The following SFMBT2 variants were observed in gnomAD, a reference collection of about 807,000 sequenced individuals.
SFMBT2 encodes Scm like with four mbt domains 2, also known as scm-like with four MBT domains protein 2.
SFMBT2 carries 38 observed loss-of-function variants against 110.1 expected under a neutral mutation model. The observed-to-expected ratio is 0.35, with a 90% CI of 0.27 to 0.45. The LOEUF (loss-of-function observed/expected upper bound fraction) is 0.45, where lower values mean the gene tolerates loss of function less well. Ranked by LOEUF, SFMBT2 falls within the 20% of genes least tolerant of loss-of-function variation. SFMBT2 has a pLI of 1.00. For synonymous variants in SFMBT2, 425 were observed against 425.4 expected (o/e 1.00, Z 0.01); for missense variants, 1,011 against 1,094.9 (o/e 0.92, Z 1.08).
intron 11 of SFMBT2, among the ~76,000 whole-genome samples, chr10:7,216,896 C>T (rs1839561036): frequency 6.6e-6 from 1 of 152,330 alleles, no homozygotes; most frequent in East Asian, 1.9e-4. Flanking sequence ...GGAATCAGGA[C>T]CAGCCCCTCT....
chr10:7,395,116 C>T (rs1051855888), intron 1 of SFMBT2, among the ~76,000 whole-genome samples: 2 of 152,074 alleles, frequency 1.3e-5, no homozygotes, highest in Non-Finnish European at 2.9e-5. Context: ...GTCAGGAGTT[C>T]GAGACCAGTC....
intron 11 of SFMBT2, among the ~76,000 whole-genome samples, chr10:7,214,033 CTG>C (rs1332189890): frequency 3.1e-5 from 4 of 128,082 alleles, no homozygotes; most frequent in African/African-American, 1.1e-4. Context: ...CACCCCAGGA[CTG>C]TGCAGAAGAT....
intron 5 of SFMBT2, 110 bp from the exon 6 acceptor site, chr10:7,284,260 G>C: frequency 5.9e-6 from 9 of 1,516,588 alleles, no homozygotes; most frequent in Non-Finnish European, 7.9e-6. Flanking sequence ...CAAGGTACTG[G>C]CGAACAGTCT....
intron 12 of SFMBT2, chr10:7,204,444 A>C: frequency 1.0e-6 from 1 of 984,854 alleles, no homozygotes; most frequent in Non-Finnish European, 1.2e-6. Flanking sequence ...TAACAGTTAA[A>C]ACCTGTTATC....
intron 4 of SFMBT2, chr10:7,286,319 G>A (rs1019694636): frequency 1.0e-5 from 7 of 667,424 alleles, no homozygotes; most frequent in Non-Finnish European, 1.3e-5. Context: ...GGCTTTCCAG[G>A]TGGGAAAATC....
At chr10:7,283,268 C>G (rs1272475233) in intron 6 of SFMBT2, among the ~76,000 whole-genome samples, 1 of 152,204 alleles carries the variant, frequency 6.6e-6, no homozygotes, top group Admixed American at 6.5e-5. Flanking sequence ...AGGATTCTTT[C>G]CAATTAAGCC....
chr10:7,278,335 CAGGG>C (rs1381699277), intron 6 of SFMBT2, among the ~76,000 whole-genome samples: 1 of 152,150 alleles, frequency 6.6e-6, no homozygotes, highest in Non-Finnish European at 1.5e-5. Flanking sequence ...AAAGTAGGCA[CAGGG>C]ACCAGTTCAC....
chr10:7,276,690 G>A (rs1424944961), intron 7 of SFMBT2, among the ~76,000 whole-genome samples: 1 of 152,056 alleles, frequency 6.6e-6, no homozygotes, highest in East Asian at 1.9e-4. Context: ...CACACGCCTG[G>A]CTAATTTTTG....
chr10:7,333,661 T>C (rs2131966052), intron 4 of SFMBT2, among the ~76,000 whole-genome samples: 1 of 152,030 alleles, frequency 6.6e-6, no homozygotes, highest in East Asian at 1.9e-4. Context: ...AAGTTTTCAT[T>C]GACTCACCTT....
rs1440291499 is a variant in SFMBT2, at chr10:7,285,781, G to T, written c.525+85C>A. The T allele has an allele frequency of 6.4e-6, 5 of 777,436 alleles. No individual in the cohort carries two copies. In the Admixed American group the frequency reaches 8.8e-5, roughly 14 times the overall value. The allele number at this position is 777,436 out of a possible 1,614,324, so 48.2% of individuals were successfully genotyped here. A position where few individuals can be genotyped will look rare whatever the true frequency, so the allele number is the denominator to read the frequency against. ...TGCAGAAAGCACGCATCTGCTGAAG[G>T]ATATATGCAAAGGTGCTGTCAGGTC... is the stretch of plus-strand genomic sequence containing the variant. On this transcript the variant is annotated intron_variant, in intron 5 of 20. Transcript: ENST00000397167.
intron 4 of SFMBT2, among the ~76,000 whole-genome samples, chr10:7,342,537 C>T (rs1334116635): frequency 6.6e-5 from 10 of 151,340 alleles, no homozygotes; most frequent in Admixed American, 1.3e-4. Flanking sequence ...GCCTCCCGAG[C>T]AGCTGGGACT....
At chr10:7,194,022 C>G (rs377218354) in intron 15 of SFMBT2, among the ~76,000 whole-genome samples, 13 of 152,198 alleles carry the variant, frequency 8.5e-5, no homozygotes, top group South Asian at 4.1e-4. Context: ...TAAACAGCAT[C>G]ACCACTGCCT....
chr10:7,176,554 T>G (rs957367589), intron 16 of SFMBT2: 1 of 951,084 alleles, frequency 1.1e-6, no homozygotes, highest in Non-Finnish European at 1.3e-6. Flanking sequence ...TTGAAAAATG[T>G]GAGTGCATAT....
intron 4 of SFMBT2, among the ~76,000 whole-genome samples, chr10:7,356,760 G>A (rs1176145830): frequency 3.9e-5 from 6 of 152,238 alleles, no homozygotes; most frequent in South Asian, 2.1e-4. Context: ...CCCTGTACCC[G>A]GAAGTACATC....
chr10:7,230,135 G>A (rs1840073564), intron 9 of SFMBT2, among the ~76,000 whole-genome samples: 2 of 152,042 alleles, frequency 1.3e-5, no homozygotes. Context: ...ACCATCAGTG[G>A]CAGGTCCCCT....
intron 4 of SFMBT2, among the ~76,000 whole-genome samples, chr10:7,346,919 G>A (rs1844131237): frequency 6.6e-6 from 1 of 152,084 alleles, no homozygotes; most frequent in Non-Finnish European, 1.5e-5. Flanking sequence ...GAACCCAGGA[G>A]GTGGAGGTTA....
At chr10:7,269,105 GT>G (rs1421572096) in intron 7 of SFMBT2, among the ~76,000 whole-genome samples, 2 of 152,090 alleles carry the variant, frequency 1.3e-5, no homozygotes, top group African/African-American at 4.8e-5. Flanking sequence ...TGTCCTTTGA[GT>G]TTTTTTAAAC....
chr10:7,376,926 C>CT (rs1221250798), intron 2 of SFMBT2, among the ~76,000 whole-genome samples: 1 of 149,056 alleles, frequency 6.7e-6, no homozygotes, highest in Non-Finnish European at 1.5e-5. Flanking sequence ...AATCCCAGCA[C>CT]TTGGGAGGCC....
At chr10:7,370,802 T>C (rs1229009143) in intron 2 of SFMBT2, 1 of 980,048 alleles carries the variant, frequency 1.0e-6, no homozygotes. Flanking sequence ...ACAGCACTAA[T>C]TGTTATAAAG....
Sources: allele counts gnomAD v4.1 joint callset (sites outside exome capture counted in the v4.1 genomes callset), GRCh38; gene constraint gnomAD v4.1.1; transcripts MANE v1.5; gene names NCBI Gene and HGNC (gene_info 2026-07-23, HGNC 2026-07-21).